The following SH3GL2 variants were observed in gnomAD, a reference collection of about 807,000 sequenced individuals.
SH3GL2 encodes the protein SH3 domain containing GRB2 like 2, endophilin A1.
In SH3GL2, 24 loss-of-function variants were observed where a neutral mutation model predicts 46.0. The ratio of observed to expected loss-of-function variants is 0.52; its 90% CI spans 0.38 to 0.73. SH3GL2 has a LOEUF of 0.73. Ranked by LOEUF, SH3GL2 falls within the 30% of genes least tolerant of loss-of-function variation. SH3GL2 has a pLI of 0.00. For synonymous variants in SH3GL2, 196 were observed against 147.1 expected (o/e 1.33, Z -2.40); for missense variants, 413 against 424.2 (o/e 0.97, Z 0.23).
chr9:17,579,665 GACC>G (rs1849283766), intron 1 of SH3GL2, among the ~76,000 whole-genome samples: 1 of 152,218 alleles, frequency 6.6e-6, no homozygotes, highest in Non-Finnish European at 1.5e-5. Context: ...CTTCACGGGT[GACC>G]TTGCGGAGTC....
intron 1 of SH3GL2, among the ~76,000 whole-genome samples, chr9:17,611,467 T>A (rs1335678670): frequency 6.6e-6 from 1 of 152,212 alleles, no homozygotes; most frequent in Non-Finnish European, 1.5e-5. Context: ...TTGGCTTCAG[T>A]TCCTTCTGGC....
At chr9:17,766,383 A>G (rs1490560391) in intron 3 of SH3GL2, among the ~76,000 whole-genome samples, 5 of 152,216 alleles carry the variant, frequency 3.3e-5, no homozygotes, top group Middle Eastern at 3.2e-3. Flanking sequence ...ACTGTGCACA[A>G]ATTCCATTCT....
chr9:17,605,976 C>T (rs1321369896), intron 1 of SH3GL2, among the ~76,000 whole-genome samples: 2 of 152,198 alleles, frequency 1.3e-5, no homozygotes, highest in African/African-American at 2.4e-5. Flanking sequence ...ACACTCTATG[C>T]TTGGTATGCT....
intron 1 of SH3GL2, among the ~76,000 whole-genome samples, chr9:17,672,600 G>A (rs1820501410): frequency 6.6e-6 from 1 of 152,136 alleles, no homozygotes; most frequent in Non-Finnish European, 1.5e-5. Context: ...AGCTGCAACA[G>A]AGCCATGGTT....
chr9:17,633,342 A>G (rs990508058), intron 1 of SH3GL2, among the ~76,000 whole-genome samples: 2 of 152,178 alleles, frequency 1.3e-5, no homozygotes, highest in Non-Finnish European at 2.9e-5. Flanking sequence ...GTGGGAGGAT[A>G]CTACTCTCAA....
intron 3 of SH3GL2, among the ~76,000 whole-genome samples, chr9:17,765,392 A>C (rs190044821): frequency 1.3e-5 from 2 of 152,184 alleles, no homozygotes; most frequent in Non-Finnish European, 2.9e-5. Flanking sequence ...CATGTTTTCT[A>C]TTCTTAAAAC....
At chr9:17,650,655 C>G (rs1044197560) in intron 1 of SH3GL2, among the ~76,000 whole-genome samples, 2 of 152,192 alleles carry the variant, frequency 1.3e-5, no homozygotes, top group African/African-American at 4.8e-5. Flanking sequence ...CCACGCTCGG[C>G]CTTGTCTTGA....
intron 1 of SH3GL2, among the ~76,000 whole-genome samples, chr9:17,608,135 G>T (rs1588169558): frequency 7.0e-6 from 1 of 143,306 alleles, no homozygotes; most frequent in South Asian, 2.2e-4. Context: ...TTTAGAATTT[G>T]TAAGCTTTCC....
intron 1 of SH3GL2, among the ~76,000 whole-genome samples, chr9:17,742,579 T>C (rs1822557854): frequency 6.6e-6 from 1 of 152,236 alleles, no homozygotes; most frequent in Non-Finnish European, 1.5e-5. Flanking sequence ...TGATTTATGC[T>C]ACCTCTAAGT....
intron 1 of SH3GL2, among the ~76,000 whole-genome samples, chr9:17,655,438 C>A (rs1318250904): frequency 6.6e-6 from 1 of 152,064 alleles, no homozygotes; most frequent in African/African-American, 2.4e-5. Flanking sequence ...TGAGTCCATT[C>A]TAATAAAACA....
chr9:17,687,124 A>T (rs1441935758), intron 1 of SH3GL2, among the ~76,000 whole-genome samples: 1 of 152,136 alleles, frequency 6.6e-6, no homozygotes, highest in African/African-American at 2.4e-5. Flanking sequence ...AGCATTAAAA[A>T]ATTCTAAGCC....
At chr9:17,620,550 G>C (rs138666171) in intron 1 of SH3GL2, among the ~76,000 whole-genome samples, 2 of 152,318 alleles carry the variant, frequency 1.3e-5, no homozygotes, top group East Asian at 3.9e-4. Flanking sequence ...ACCACTGACT[G>C]TGCTAGTTTG....
chr9:17,594,910 T>C (rs1563775060), intron 1 of SH3GL2, among the ~76,000 whole-genome samples: 3 of 152,192 alleles, frequency 2.0e-5, no homozygotes, highest in African/African-American at 4.8e-5. Flanking sequence ...TTTTGATGTA[T>C]TCATTTCTGC....
chr9:17,787,229 C>T (rs1429725440), intron 4 of SH3GL2, 151 bp from the exon 5 acceptor site: 4 of 612,388 alleles, frequency 6.5e-6, no homozygotes, highest in African/African-American at 5.6e-5. Flanking sequence ...AGTCTGTTGC[C>T]TGGAGTGAAC....
intron 1 of SH3GL2, among the ~76,000 whole-genome samples, chr9:17,698,603 T>C (rs993807679): frequency 6.6e-6 from 1 of 152,092 alleles, no homozygotes; most frequent in East Asian, 1.9e-4. Context: ...ATGAGTAATA[T>C]ACAACTAAGA....
intron 3 of SH3GL2, among the ~76,000 whole-genome samples, chr9:17,767,007 C>G (rs1013665831): frequency 6.6e-6 from 1 of 152,160 alleles, no homozygotes; most frequent in Non-Finnish European, 1.5e-5. Context: ...GGACTGTGGA[C>G]CTTTTCCAGA....
At chr9:17,754,500 T>C (rs7025440) in intron 2 of SH3GL2, among the ~76,000 whole-genome samples, 109,383 of 151,600 alleles carry the variant, frequency 0.72, 39,863 homozygotes, top group East Asian at 0.83. Flanking sequence ...GGTGAAACCC[T>C]GACTCTACTA....
intron 1 of SH3GL2, among the ~76,000 whole-genome samples, chr9:17,645,222 T>C (rs2134652864): frequency 7.0e-6 from 1 of 142,550 alleles, no homozygotes; most frequent in East Asian, 2.3e-4. Flanking sequence ...ATCCCTTTAT[T>C]TTGAGCCTGT....
intron 8 of SH3GL2, among the ~76,000 whole-genome samples, chr9:17,794,367 C>T (rs947249095): frequency 6.6e-6 from 1 of 152,104 alleles, no homozygotes; most frequent in African/African-American, 2.4e-5. Context: ...AAGATGCTCT[C>T]AGGAGACTTA....
Sources: gnomAD v4.1 joint callset for allele counts (sites outside exome capture counted in the v4.1 genomes callset) on GRCh38, gnomAD v4.1.1 for gene constraint, MANE v1.5 for transcripts, NCBI Gene and HGNC (gene_info 2026-07-23, HGNC 2026-07-21) for gene names.